The following AK9 variants were observed in gnomAD, a reference collection of about 807,000 sequenced individuals.
The protein encoded by AK9 is adenylate kinase 9, also known as adenylate kinase domain containing 1.
In AK9, 191 loss-of-function variants were observed where a neutral mutation model predicts 239.6. The ratio of observed to expected loss-of-function variants is 0.80; its 90% CI spans 0.71 to 0.90. The LOEUF (loss-of-function observed/expected upper bound fraction) is 0.90, where lower values mean the gene tolerates loss of function less well. AK9 is among the 40% of genes least tolerant of loss of function. AK9 has a pLI of 0.00. For synonymous variants in AK9, 689 were observed against 721.0 expected (o/e 0.96, Z 0.71); for missense variants, 1,995 against 2,214.7 (o/e 0.90, Z 1.99).
In AK9 at chr6:109,648,860, G is replaced by A. The variant is rs547240851; in HGVS notation, c.760-4172C>T. ...ATCCTCAATAAAATACTGGCAAACC[G>A]AATCCAGCAGCACATCAAAAAGTTT... On this transcript the variant is annotated intron_variant, in intron 8 of 40. Coordinates refer to ENST00000424296, the MANE Select transcript of AK9 (RefSeq NM_001145128.3). Among the ~76,000 whole-genome samples the A allele has an allele frequency of 7.9e-5, 12 of 152,200 alleles. No homozygotes were observed. The East Asian group carries it at 9.6e-4, about 12-fold the overall frequency.
Position 109,515,900 on chromosome 6 carries a change from G to A in AK9, c.4022C>T (p.Thr1341Ile). 1 of 1,551,776 alleles carries A rather than the reference G, an allele frequency of 6.4e-7. No homozygotes were observed. The highest frequency in any genetic ancestry group is 8.7e-7 in the Non-Finnish European group (1 of 1,146,908). ...GCCGAATGAGCTTATATACTTGTAG[G>A]TAAAGGTGAGCATTTTCTGGGCAAG... is the stretch of plus-strand genomic sequence containing the variant. ...APLAQKMLTF[T>I]YKYISSFGYW... Residue 1341 changes from threonine to isoleucine, a missense_variant, in exon 31 of 41, where the codon ACC (threonine) becomes ATC (isoleucine). Physicochemically the swap from Thr to Ile is moderately conservative, Grantham distance 89. Coordinates refer to ENST00000424296, the MANE Select transcript of AK9 (RefSeq NM_001145128.3).
intron 17 of AK9, among the ~76,000 whole-genome samples, chr6:109,593,646 C>T (rs913116132): frequency 7.9e-5 from 12 of 152,156 alleles, no homozygotes; most frequent in African/African-American, 2.7e-4. Context: ...TCCAGCAGCA[C>T]ATCAAAAAAC....
intron 21 of AK9, among the ~76,000 whole-genome samples, chr6:109,569,980 CG>C: frequency 6.6e-6 from 1 of 152,172 alleles, no homozygotes; most frequent in Non-Finnish European, 1.5e-5. Flanking sequence ...CACATGCACA[CG>C]TATGTTTATT....
chr6:109,595,621 A>C (rs1404358441), intron 17 of AK9, among the ~76,000 whole-genome samples: 1 of 152,224 alleles, frequency 6.6e-6, no homozygotes, highest in East Asian at 1.9e-4. Context: ...TCGATGATAG[A>C]CTGGATAAAG....
chr6:109,681,589 A>C (rs1772649183), intron 1 of AK9, among the ~76,000 whole-genome samples: 1 of 152,210 alleles, frequency 6.6e-6, no homozygotes, highest in African/African-American at 2.4e-5. Flanking sequence ...CTCTGGACCA[A>C]GCAGACCTAA....
chr6:109,569,239 A>G lies in AK9; in HGVS notation c.2344+4203T>C, dbSNP rs889129380. Among the ~76,000 whole-genome samples, 48 of 152,210 alleles carry G rather than the reference A, an allele frequency of 3.2e-4. 1 individual carries two copies. The highest frequency in any genetic ancestry group is 2.3e-3 in the South Asian group (11 of 4,828). ...ACTGGCTAGCCATATGTAGAAAGCT[A>G]AAACTGGATCCCTTCCTTACATCTT... On this transcript the variant is annotated intron_variant, in intron 21 of 40. Transcript: ENST00000424296.
chr6:109,528,354 G>GT lies in AK9; in HGVS notation c.3633+656dup, dbSNP rs1780777871. 4 of 359,212 alleles carry GT rather than the reference G, an allele frequency of 1.1e-5. No homozygotes were observed. The East Asian group carries it at 2.9e-4, about 26-fold the overall frequency. 22.3% of individuals were successfully genotyped at this position (359,212 alleles called of 1,614,324 possible). On this transcript the variant is annotated intron_variant, in intron 29 of 40. Transcript: ENST00000424296. ...GCATTATAATGAGGCTACGATTTCT[G>GT]TAAGTTTTGCTCATGGCTGATTTGC...
rs371911124 is a variant in AK9 at position 109,639,307 on chromosome 6, G to T, written c.933+2211C>A. ...TTCCTATTTCTCCACATCTTCTCCA[G>T]CATCTGTTGTTTCCTGACTTTTTAA... On this transcript the variant is annotated intron_variant, in intron 10 of 40. Coordinates refer to ENST00000424296, the MANE Select transcript of AK9 (RefSeq NM_001145128.3). Among the ~76,000 whole-genome samples, 77 of 152,290 alleles carry T rather than the reference G, an allele frequency of 5.1e-4. 2 individuals carry two copies. In the South Asian group the frequency reaches 0.013, roughly 27 times the overall value.
chr6:109,545,841 CA>C (rs1429965873), intron 26 of AK9, 25 bp downstream of exon 26: 3 of 1,572,188 alleles, frequency 1.9e-6, no homozygotes, highest in African/African-American at 1.4e-5. Flanking sequence ...ACAAAACAAA[CA>C]AAAAACAAAA....
At chr6:109,684,691 G>A (rs1773209282) in intron 1 of AK9, among the ~76,000 whole-genome samples, 1 of 141,000 alleles carries the variant, frequency 7.1e-6, no homozygotes, top group Non-Finnish European at 1.5e-5. Context: ...CGGCTAAAAT[G>A]GTGAAACCCC....
chr6:109,612,121 A>G (rs1215032941), intron 15 of AK9, 28 bp from the exon 16 acceptor site: 2 of 1,413,756 alleles, frequency 1.4e-6, no homozygotes, highest in Non-Finnish European at 1.9e-6. Flanking sequence ...TGAATGCCTA[A>G]AGAACGGTAT....
In AK9 at chr6:109,585,916, C is replaced by A; in HGVS notation, c.1999G>T (p.Gly667Ter). The A allele has an allele frequency of 6.5e-7, 1 of 1,527,028 alleles. No homozygotes were observed. The highest frequency in any genetic ancestry group is 8.8e-7 in the Non-Finnish European group (1 of 1,138,468). The allele number at this position is 1,527,028 out of a possible 1,614,324, so 94.6% of individuals were successfully genotyped here. Residue 667 changes from glycine to a stop codon, truncating the protein, a stop_gained and splice_region_variant, in exon 18 of 41, where the codon GGA (glycine) becomes TGA (stop). Coordinates refer to ENST00000424296, the MANE Select transcript of AK9 (RefSeq NM_001145128.3). LOFTEE classifies it high-confidence loss of function. ...VIYLSDTENN[G>*]KCLFNRIYLQ... ...ATTTACATAATAAATATTTACCAAC[C>A]ATTGTTTTCTGTATCTGATAAATAG...
chr6:109,518,280 C>T (rs531142845), intron 29 of AK9, among the ~76,000 whole-genome samples: 35 of 152,192 alleles, frequency 2.3e-4, no homozygotes, highest in South Asian at 2.1e-4. Context: ...AGTTCTGGTT[C>T]GTTTTAAAGA....
chr6:109,567,739 G>A (rs191687879), intron 21 of AK9, among the ~76,000 whole-genome samples: 2 of 112,922 alleles, frequency 1.8e-5, no homozygotes, highest in Non-Finnish European at 3.5e-5. Flanking sequence ...GTTGTGGGGT[G>A]GGGGGAGGGG....
chr6:109,533,159 G>C (rs1177899485), intron 28 of AK9, 92 bp downstream of exon 28: 1 of 926,870 alleles, frequency 1.1e-6, no homozygotes, highest in African/African-American at 1.7e-5. Flanking sequence ...ATTAAAATTA[G>C]AATACTATAT....
chr6:109,674,225 G>A lies in AK9; in HGVS notation c.154C>T (p.Gln52Ter), dbSNP rs1452436639. ...GKTTLARYIT[Q>*]AWKCIRVEAL... The stretch of plus-strand genomic sequence containing the variant: ...TCAACACGAATACATTTCCATGCCT[G>A]TGTTATGTAACGGGCTAATGTTGTT... Residue 52 changes from glutamine (Q) to a stop codon, truncating the protein, a stop_gained, in exon 3 of 41, where the codon CAG becomes TAG. Transcript: ENST00000424296. LOFTEE classifies it high-confidence loss of function. 1 of 1,591,112 alleles carries A rather than the reference G, an allele frequency of 6.3e-7. No homozygotes were observed. Among genetic ancestry groups the A allele is most frequent in the East Asian group, 2.3e-5 (1 of 44,114 alleles).
At chr6:109,575,351 G>T (rs557727664) in intron 20 of AK9, among the ~76,000 whole-genome samples, 6 of 152,042 alleles carry the variant, frequency 3.9e-5, no homozygotes, top group African/African-American at 1.2e-4. Context: ...ATTATTTTTT[G>T]ATTTTTTAAT....
intron 5 of AK9, among the ~76,000 whole-genome samples, chr6:109,664,738 TA>T (rs1800937528): frequency 6.6e-6 from 1 of 150,446 alleles, no homozygotes; most frequent in African/African-American, 2.4e-5. Flanking sequence ...CTTTTATTTT[TA>T]AAAAAGAAGA....
At chr6:109,537,361 A>C (rs1352341035) in intron 27 of AK9, among the ~76,000 whole-genome samples, 1 of 151,892 alleles carries the variant, frequency 6.6e-6, no homozygotes, top group East Asian at 1.9e-4. Flanking sequence ...GAATTTATCC[A>C]TTTCTTCTAG....
Sources: allele counts gnomAD v4.1 joint callset (sites outside exome capture counted in the v4.1 genomes callset), GRCh38; gene constraint gnomAD v4.1.1; transcripts MANE v1.5; gene names NCBI Gene and HGNC (gene_info 2026-07-23, HGNC 2026-07-21).